IGSF9B: variants seen among roughly 807,000 people sequenced by gnomAD.
IGSF9B encodes immunoglobulin superfamily member 9B.
A neutral mutation model predicts 143.7 loss-of-function variants in IGSF9B; 48 were observed. The observed-to-expected ratio is 0.33, with a 90% confidence interval of 0.26 to 0.42. The LOEUF is 0.42. Among genes scored for constraint, IGSF9B ranks in the 20% least tolerant of loss-of-function variants. The probability of loss-of-function intolerance (pLI) is 1.00; values close to 1 mark genes in which losing one functional copy is unlikely to be tolerated. For synonymous variants in IGSF9B, 903 were observed against 833.1 expected (o/e 1.08, Z -1.44); for missense variants, 1,706 against 1,980.0 (o/e 0.86, Z 2.63).
chr11:133,909,200 T>G lies in IGSF9B; in HGVS notation c.4183A>C (p.Lys1395Gln). The G allele has an allele frequency of 6.5e-7, 1 of 1,535,812 alleles. No homozygotes were observed. Among genetic ancestry groups the G allele is most frequent in the Non-Finnish European group, 8.7e-7 (1 of 1,146,728 alleles). ...GGGTCAGGACGAGAATGTCTCTTCT[T>G]CTTTCGGAGGCAGACAGCTTCATCG... ...WPDEAVCLRKKKRHSRPDPFA... is the reference protein window; with the variant it reads ...WPDEAVCLRKQKRHSRPDPFA... The change falls in exon 20 of 20, where the codon AAG (lysine) becomes CAG (glutamine). Residue 1395 changes from lysine to glutamine, a missense_variant. Physicochemically the swap from Lys to Gln is moderately conservative, Grantham distance 53. Coordinates refer to ENST00000533871, the MANE Select transcript of IGSF9B (RefSeq NM_001277285.4). The surrounding 1 kb of genome is among the most constrained non-coding windows in gnomAD (Gnocchi z 4.2).
intron 18 of IGSF9B, 35 bp from the exon 19 acceptor site, chr11:133,912,042 C>A: frequency 2.0e-6 from 3 of 1,495,824 alleles, no homozygotes; most frequent in Non-Finnish European, 2.7e-6. Flanking sequence ...CAATTCAGCT[C>A]CCGGATGTGT....
At position 133,908,944 on chromosome 11, in the gene IGSF9B, AG is replaced by A. The variant is rs776411951; in HGVS notation, c.*124del. 5.1e-6 allele frequency: 4 copies of A among 791,012 alleles called. No individual in the cohort carries two copies. Among genetic ancestry groups the A allele is most frequent in the Non-Finnish European group, 8.0e-6 (4 of 502,778 alleles). 49.0% of individuals were successfully genotyped at this position (791,012 alleles called of 1,614,324 possible). A position where few individuals can be genotyped will look rare whatever the true frequency, so the allele number is the denominator to read the frequency against. ...AGGGAGACACCCGCTCTGGCAAAAG[AG>A]GGGGCATGCAGGACAAAGGTCTGGG... On this transcript the variant is annotated 3_prime_UTR_variant, in exon 20 of 20. Transcript: ENST00000533871.
At chr11:133,949,156 G>C (rs1353641356) in intron 1 of IGSF9B, among the ~76,000 whole-genome samples, 1 of 152,164 alleles carries the variant, frequency 6.6e-6, no homozygotes, top group Admixed American at 6.5e-5. Context: ...CAGCTGCAGA[G>C]AGGACACATC....
intron 5 of IGSF9B, 74 bp from the exon 6 acceptor site, chr11:133,936,268 C>T (rs1939821377): frequency 1.4e-6 from 2 of 1,392,892 alleles, no homozygotes; most frequent in Non-Finnish European, 2.0e-6. Context: ...CCTGGGAGCC[C>T]TCAGTGCCTC....
intron 8 of IGSF9B, 39 bp downstream of exon 8, chr11:133,932,032 A>G: frequency 6.3e-7 from 1 of 1,583,070 alleles, no homozygotes; most frequent in South Asian, 1.1e-5. Context: ...TACTGGGGGG[A>G]GCCCTCACTC....
At position 133,930,144 on chromosome 11, in the gene IGSF9B, C is replaced by T. The variant is rs377152739; in HGVS notation, c.1520-362G>A. ...AGGCGGCAGGCACAGCCACAGAGCC[C>T]CTCCCGTAAGGTTCTCTGGCCTCAG... On this transcript the variant is annotated intron_variant, in intron 11 of 19. Transcript: ENST00000533871. Among the ~76,000 whole-genome samples, 38 of 152,244 alleles carry T rather than the reference C, an allele frequency of 2.5e-4. No individual in the cohort carries two copies. In the East Asian group the frequency reaches 7.0e-3, roughly 28 times the overall value.
chr11:133,918,444 G>A (rs1939435354), intron 18 of IGSF9B, among the ~76,000 whole-genome samples: 1 of 152,138 alleles, frequency 6.6e-6, no homozygotes, highest in Non-Finnish European at 1.5e-5. Flanking sequence ...GAGAGAGACG[G>A]AGACCCAGAC....
intron 11 of IGSF9B, among the ~76,000 whole-genome samples, chr11:133,930,088 T>G (rs756837220): frequency 1.1e-4 from 16 of 151,964 alleles, no homozygotes; most frequent in Non-Finnish European, 2.2e-4. Context: ...ATCCTGTGCT[T>G]CTCTGGTGAG....
chr11:133,937,787 C>T, intron 4 of IGSF9B, 23 bp downstream of exon 4: 1 of 1,603,844 alleles, frequency 6.2e-7, no homozygotes, highest in South Asian at 1.1e-5. Flanking sequence ...ACCGCAGCGG[C>T]CCCAACCTAG....
At chr11:133,911,405 G>A (rs1250262001) in intron 19 of IGSF9B, among the ~76,000 whole-genome samples, 2 of 152,200 alleles carry the variant, frequency 1.3e-5, no homozygotes, top group Non-Finnish European at 2.9e-5. Flanking sequence ...ATGGGGTCCT[G>A]TCATGCCTTT....
chr11:133,922,266 C>CT, intron 16 of IGSF9B, 44 bp from the exon 17 acceptor site: 1 of 1,556,016 alleles, frequency 6.4e-7, no homozygotes, highest in Non-Finnish European at 8.8e-7. Flanking sequence ...GCCAAGCCAG[C>CT]AACCACGCAG....
chr11:133,938,597 G>C (rs1939868634), intron 3 of IGSF9B, among the ~76,000 whole-genome samples: 1 of 152,102 alleles, frequency 6.6e-6, no homozygotes, highest in Non-Finnish European at 1.5e-5. Flanking sequence ...ATCCTGTTTG[G>C]GTAATCGGCT....
rs1349828117 is a variant in IGSF9B at position 133,953,181 on chromosome 11, C to T, written c.64+3510G>A. On this transcript the variant is annotated intron_variant, in intron 1 of 19. Coordinates refer to ENST00000533871, the MANE Select transcript of IGSF9B (RefSeq NM_001277285.4). The surrounding 1 kb of genome is among the most constrained non-coding windows in gnomAD (Gnocchi z 4.2). The stretch of plus-strand genomic sequence containing the variant: ...TCAGAATCTTCCAGCGAGGCAGCCT[C>T]TGCTCCTCTGTAACCAGATTCCAGC... Among the ~76,000 whole-genome samples, 1 of 152,214 alleles carries T rather than the reference C, an allele frequency of 6.6e-6. No individual in the cohort carries two copies. Among genetic ancestry groups the T allele is most frequent in the East Asian group, 1.9e-4 (1 of 5,182 alleles).
At chr11:133,917,739 G>A (rs1939415301) in intron 18 of IGSF9B, among the ~76,000 whole-genome samples, 1 of 152,108 alleles carries the variant, frequency 6.6e-6, no homozygotes, top group Non-Finnish European at 1.5e-5. Context: ...CCTCGAGAGA[G>A]CCTAATACCA....
At position 133,945,747 on chromosome 11, in the gene IGSF9B, G is replaced by A. The variant is rs983279865; in HGVS notation, c.262+314C>T. Reference sequence around the variant, plus strand: ...AAGCAGGGAGAGCCGTGCTGGCCCAGGGCTGCCTGACTCAGTCTGCTGTCC... The same window carrying A: ...AAGCAGGGAGAGCCGTGCTGGCCCAAGGCTGCCTGACTCAGTCTGCTGTCC... On this transcript the variant is annotated intron_variant, in intron 2 of 19. Transcript: ENST00000533871. The surrounding 1 kb of genome is among the most constrained non-coding windows in gnomAD (Gnocchi z 4.6). 2.6e-5 allele frequency among the ~76,000 whole-genome samples: 4 copies of A among 152,130 alleles called. No individual in the cohort carries two copies. The highest frequency in any genetic ancestry group is 4.8e-5 in the African/African-American group (2 of 41,450).
Position 133,906,754 on chromosome 11 carries a change from G to A in IGSF9B, c.*2315C>T, listed in dbSNP as rs1939216232. ...GTAGGCCAAATTCATCCTGAAGGCT[G>A]ACAGCCTGATGCCCACATCCCAGTG... On this transcript the variant is annotated 3_prime_UTR_variant, in exon 20 of 20. Transcript: ENST00000533871. Among the ~76,000 whole-genome samples the A allele has an allele frequency of 6.6e-6, 1 of 152,176 alleles. No individual in the cohort carries two copies. The highest frequency in any genetic ancestry group is 1.9e-4 in the East Asian group (1 of 5,172).
chr11:133,922,720 C>A lies in IGSF9B; in HGVS notation c.2130G>T (p.Pro710=). The A allele has an allele frequency of 6.4e-7, 1 of 1,567,968 alleles. No homozygotes were observed. The highest frequency in any genetic ancestry group is 8.6e-7 in the Non-Finnish European group (1 of 1,159,004). ...GCCCATCCTCGGTCAGGTCCGGCTG[C>A]GGGAAGATGTCTGCAGGGAGGGTGG... ...IAGVSSTDIF[P]QPDLTEDGLA... is the part of the protein sequence containing the mutation. The change falls in exon 16 of 20, where the codon CCG becomes CCT. Residue 710 remains proline, a synonymous_variant. Transcript: ENST00000533871.
intron 19 of IGSF9B, among the ~76,000 whole-genome samples, chr11:133,910,733 T>C (rs1360986693): frequency 6.6e-6 from 1 of 152,204 alleles, no homozygotes; most frequent in Non-Finnish European, 1.5e-5. Flanking sequence ...ACAGAACTGG[T>C]AACAGGACCA....
chr11:133,924,487 C>T (rs543023793), intron 15 of IGSF9B, among the ~76,000 whole-genome samples: 1 of 152,276 alleles, frequency 6.6e-6, no homozygotes, highest in Admixed American at 6.5e-5. Context: ...ACAGCCCCTC[C>T]CCGACAAGAG....
Sources: allele counts gnomAD v4.1 joint callset (sites outside exome capture counted in the v4.1 genomes callset), GRCh38; gene constraint gnomAD v4.1.1; non-coding constraint Gnocchi (gnomAD v3.1); transcripts MANE v1.5; gene names NCBI Gene and HGNC (gene_info 2026-07-23, HGNC 2026-07-21).